Variants in CACNB2 observed in about 807,000 individuals in gnomAD.
CACNB2 encodes the protein voltage-dependent L-type calcium channel subunit beta-2.
Under a neutral mutation model 73.3 loss-of-function variants are expected in CACNB2, and 42 were observed. The observed-to-expected ratio is 0.57, with a 90% CI of 0.45 to 0.74. The LOEUF (loss-of-function observed/expected upper bound fraction) is 0.74, where lower values mean the gene tolerates loss of function less well. Among genes scored for constraint, CACNB2 ranks in the 30% least tolerant of loss-of-function variants. The pLI is 0.00. For synonymous variants in CACNB2, 348 were observed against 310.3 expected, an observed-to-expected ratio of 1.12 and a Z score of -1.28; for missense variants, 940 against 853.0, an observed-to-expected ratio of 1.10 and a Z score of -1.27.
intron 3 of CACNB2, among the ~76,000 whole-genome samples, chr10:18,496,429 C>G (rs1378982086): frequency 6.6e-6 from 1 of 152,124 alleles, no homozygotes; most frequent in Non-Finnish European, 1.5e-5. Flanking sequence ...CTCCAACTCC[C>G]CTGTGTCTTC....
chr10:18,145,189 T>C (rs1299111351), intron 1 of CACNB2, among the ~76,000 whole-genome samples: 1 of 152,234 alleles, frequency 6.6e-6, no homozygotes, highest in Non-Finnish European at 1.5e-5. Context: ...AGCCTGGTGA[T>C]GGCAACATCC....
At chr10:18,407,162 G>T (rs190556195) in intron 3 of CACNB2, among the ~76,000 whole-genome samples, 1 of 107,710 alleles carries the variant, frequency 9.3e-6, no homozygotes, top group South Asian at 3.5e-4. Flanking sequence ...TCCCTCTGTC[G>T]CCCAGGCTGG....
intron 2 of CACNB2, among the ~76,000 whole-genome samples, chr10:18,241,162 G>A (rs1365265738): frequency 6.6e-6 from 1 of 152,074 alleles, no homozygotes; most frequent in Non-Finnish European, 1.5e-5. Context: ...TTGATGTCTT[G>A]TGTCTCCCTA....
At chr10:18,250,386 G>A (rs970688922) in intron 2 of CACNB2, among the ~76,000 whole-genome samples, 3 of 152,176 alleles carry the variant, frequency 2.0e-5, no homozygotes, top group African/African-American at 7.2e-5. Flanking sequence ...CTTTCTGTGG[G>A]CAAAGTGTGT....
Position 18,443,212 on chromosome 10 carries a change from C to T in CACNB2, c.333+41169C>T, listed in dbSNP as rs530904296. 5.3e-5 allele frequency among the ~76,000 whole-genome samples: 8 copies of T among 151,686 alleles called. No homozygotes were observed. The East Asian group carries it at 1.2e-3, about 22-fold the overall frequency. On this transcript the variant is annotated intron_variant, in intron 3 of 13. Transcript: ENST00000324631. ...CCCCAATTCAGTGCCTGAATGCTGA[C>T]GGGTGCTACACAGACAGTGAATCAG...
chr10:18,221,013 A>G (rs951059362), intron 2 of CACNB2, among the ~76,000 whole-genome samples: 3 of 152,172 alleles, frequency 2.0e-5, no homozygotes, highest in Non-Finnish European at 1.5e-5. Flanking sequence ...CTTGTGATCT[A>G]AAGAAATCAA....
chr10:18,396,076 C>T (rs113862204), intron 2 of CACNB2, among the ~76,000 whole-genome samples: 43,810 of 151,968 alleles, frequency 0.29, 6,503 homozygotes, highest in Middle Eastern at 0.39. Flanking sequence ...CCTGCCTCAG[C>T]CTCCCGAGTA....
intron 1 of CACNB2, 23 bp from the exon 2 acceptor site, chr10:18,150,860 T>C: frequency 1.1e-6 from 1 of 893,772 alleles, no homozygotes; most frequent in Non-Finnish European, 1.5e-6. Context: ...TTTGTCTTTT[T>C]TTTTTTTTTT....
intron 3 of CACNB2, among the ~76,000 whole-genome samples, chr10:18,403,869 A>AC (rs1403180576): frequency 2.3e-4 from 35 of 150,974 alleles, no homozygotes; most frequent in African/African-American, 8.3e-4. Flanking sequence ...GTTAATGGGT[A>AC]CCCAAAAAAA....
At chr10:18,460,918 C>G (rs1441685903) in intron 3 of CACNB2, among the ~76,000 whole-genome samples, 3 of 150,184 alleles carry the variant, frequency 2.0e-5, no homozygotes, top group African/African-American at 7.3e-5. Context: ...ACTTTTTGCT[C>G]TATTTCTTTT....
intron 3 of CACNB2, among the ~76,000 whole-genome samples, chr10:18,407,404 G>A (rs2044357876): frequency 6.6e-6 from 1 of 151,704 alleles, no homozygotes; most frequent in African/African-American, 2.4e-5. Flanking sequence ...TTACAGATGT[G>A]GCCCACCATG....
intron 2 of CACNB2, among the ~76,000 whole-genome samples, chr10:18,349,726 TA>T (rs58519066): frequency 0.019 from 2,801 of 145,498 alleles, 40 homozygotes; most frequent in African/African-American, 0.03. Context: ...GGAGATGATT[TA>T]AAAAAAAAAA....
At chr10:18,302,717 G>T (rs986622722) in intron 2 of CACNB2, among the ~76,000 whole-genome samples, 5 of 152,140 alleles carry the variant, frequency 3.3e-5, no homozygotes, top group African/African-American at 1.2e-4. Flanking sequence ...GGGTGGGAAG[G>T]GGGTGAGGGA....
At chr10:18,217,567 G>A (rs192185208) in intron 2 of CACNB2, among the ~76,000 whole-genome samples, 6 of 152,008 alleles carry the variant, frequency 3.9e-5, no homozygotes, top group African/African-American at 1.4e-4. Flanking sequence ...AAAAGAAAAT[G>A]GAGATGAGCA....
chr10:18,280,380 C>A (rs1403307007), intron 2 of CACNB2, among the ~76,000 whole-genome samples: 1 of 152,146 alleles, frequency 6.6e-6, no homozygotes, highest in Non-Finnish European at 1.5e-5. Flanking sequence ...AATTGAGGCA[C>A]AAGGGCACTG....
In CACNB2 at chr10:18,539,814, G is replaced by C; in HGVS notation, c.*90G>C. ...AAACAAAGTCTTTGGGGTCTACACT[G>C]CAATCATATGTGATCTGTCTTGTAA... On this transcript the variant is annotated 3_prime_UTR_variant, in exon 14 of 14. Coordinates refer to ENST00000324631, the MANE Select transcript of CACNB2 (RefSeq NM_201596.3). The C allele has an allele frequency of 8.0e-7, 1 of 1,250,188 alleles. No homozygotes were observed. The highest frequency in any genetic ancestry group is 1.1e-6 in the Non-Finnish European group (1 of 885,656). 77.4% of individuals were successfully genotyped at this position (1,250,188 alleles called of 1,614,324 possible).
chr10:18,518,824 A>T, intron 8 of CACNB2, 86 bp from the exon 9 acceptor site: 1 of 1,241,214 alleles, frequency 8.1e-7, no homozygotes, highest in Non-Finnish European at 1.2e-6. Flanking sequence ...CAGGTTTTCA[A>T]GCATTCCTAA....
At chr10:18,318,831 C>T (rs762288338) in intron 2 of CACNB2, among the ~76,000 whole-genome samples, 4 of 152,068 alleles carry the variant, frequency 2.6e-5, no homozygotes, top group Non-Finnish European at 4.4e-5. Context: ...ATTTATGAGG[C>T]CAACAAACAT....
intron 3 of CACNB2, among the ~76,000 whole-genome samples, chr10:18,461,873 G>A (rs886791581): frequency 7.5e-5 from 11 of 145,886 alleles, no homozygotes; most frequent in African/African-American, 5.1e-5. Context: ...TTTGGCACTC[G>A]AGGAGGGAGT....
Sources: gnomAD v4.1 joint callset for allele counts (sites outside exome capture counted in the v4.1 genomes callset) on GRCh38, gnomAD v4.1.1 for gene constraint, MANE v1.5 for transcripts, NCBI Gene and HGNC (gene_info 2026-07-23, HGNC 2026-07-21) for gene names.